DEPTOR: variants seen among roughly 807,000 people sequenced by gnomAD.
DEPTOR encodes DEP domain-containing mTOR-interacting protein.
A neutral mutation model predicts 41.6 loss-of-function variants in DEPTOR; 41 were observed. That is an observed-to-expected ratio of 0.98 (90% confidence interval 0.77 to 1.28). The LOEUF is 1.28. DEPTOR is among the 50% of genes most tolerant of loss of function. The probability of loss-of-function intolerance (pLI) is 0.00; values close to 1 mark genes in which losing one functional copy is unlikely to be tolerated. For missense variants in DEPTOR, 514 were observed against 527.9 expected (o/e 0.97, Z 0.26); for synonymous variants, 195 against 192.3 (o/e 1.01, Z -0.12).
intron 1 of DEPTOR, among the ~76,000 whole-genome samples, chr8:119,884,333 C>T (rs1586597145): frequency 2.0e-5 from 3 of 152,310 alleles, no homozygotes; most frequent in East Asian, 3.9e-4. Context: ...GCTGGGATTA[C>T]AGGCATGAGC....
intron 4 of DEPTOR, among the ~76,000 whole-genome samples, chr8:119,992,819 G>C (rs956941139): frequency 1.3e-5 from 2 of 151,882 alleles, no homozygotes; most frequent in African/African-American, 2.4e-5. Flanking sequence ...ACCATGCCTG[G>C]CTAATTTTTA....
In DEPTOR at chr8:119,873,954, CG is replaced by C; in HGVS notation, c.112del (p.Glu38AsnfsTer32). 1 of 1,613,492 alleles carries C rather than the reference CG, an allele frequency of 6.2e-7. No individual in the cohort carries two copies. The highest frequency in any genetic ancestry group is 8.5e-7 in the Non-Finnish European group (1 of 1,179,736). On this transcript the variant is annotated frameshift_variant, in exon 1 of 9. Transcript: ENST00000286234. LOFTEE classifies it high-confidence loss of function. ...LERMAEVLVTGEQLRLRLHEE... is the reference protein window; with the variant it reads ...LERMAEVLVTXEQLRLRLHEE... ...AGCGCATGGCTGAGGTCTTGGTCAC[CG>C]GGGAACAGCTACGGTAAGGCAAGAG...
intron 4 of DEPTOR, among the ~76,000 whole-genome samples, chr8:119,992,715 G>A (rs1454029235): frequency 6.8e-6 from 1 of 146,650 alleles, no homozygotes; most frequent in South Asian, 2.2e-4. Context: ...GGAGTGCAGT[G>A]GCATGATCTT....
chr8:119,934,060 T>C (rs897537743), intron 3 of DEPTOR, among the ~76,000 whole-genome samples: 1 of 152,128 alleles, frequency 6.6e-6, no homozygotes, highest in East Asian at 1.9e-4. Context: ...TTTGTATTTT[T>C]AATAGAGATG....
At position 120,047,938 on chromosome 8, in the gene DEPTOR, C is replaced by T. The variant is rs144200134; in HGVS notation, c.1102-1638C>T. Among the ~76,000 whole-genome samples, 1,072 of 151,466 alleles carry T rather than the reference C, an allele frequency of 7.1e-3. 10 individuals carry two copies. The highest frequency in any genetic ancestry group is 8.5e-3 in the Non-Finnish European group (576 of 67,898). On this transcript the variant is annotated intron_variant, in intron 8 of 8. Transcript: ENST00000286234. ...GCACACACCTGTAATCCCAGCTACT[C>T]GGGAGGCTGAGGTGGGAGGATCGCT...
intron 8 of DEPTOR, among the ~76,000 whole-genome samples, chr8:120,029,766 C>G (rs1279109193): frequency 6.6e-6 from 1 of 152,074 alleles, no homozygotes; most frequent in African/African-American, 2.4e-5. Flanking sequence ...CTCCATAATA[C>G]CTAGACCCAT....
At chr8:119,892,970 A>G (rs982029982) in intron 1 of DEPTOR, among the ~76,000 whole-genome samples, 1 of 152,034 alleles carries the variant, frequency 6.6e-6, no homozygotes, top group Non-Finnish European at 1.5e-5. Flanking sequence ...TTTAGTAGAG[A>G]CGGGGTTTCA....
chr8:119,899,440 T>C (rs975857615), intron 1 of DEPTOR, among the ~76,000 whole-genome samples: 1 of 152,210 alleles, frequency 6.6e-6, no homozygotes, highest in African/African-American at 2.4e-5. Context: ...CCAAAAGGCA[T>C]GCATACATTC....
At chr8:119,969,260 A>G (rs1204229117) in intron 4 of DEPTOR, among the ~76,000 whole-genome samples, 3 of 152,234 alleles carry the variant, frequency 2.0e-5, no homozygotes, top group African/African-American at 7.2e-5. Context: ...CTTCAATTAC[A>G]GTGTAACTCT....
intron 1 of DEPTOR, among the ~76,000 whole-genome samples, chr8:119,899,955 G>A (rs1031596471): frequency 6.6e-6 from 1 of 151,988 alleles, no homozygotes; most frequent in Non-Finnish European, 1.5e-5. Flanking sequence ...CTTGTTTCTT[G>A]TAATCAAAGA....
intron 3 of DEPTOR, among the ~76,000 whole-genome samples, chr8:119,948,469 T>C (rs1828311036): frequency 1.3e-5 from 2 of 151,954 alleles, no homozygotes; most frequent in Admixed American, 1.3e-4. Flanking sequence ...AAAATATATT[T>C]ATTAAATGAA....
intron 1 of DEPTOR, among the ~76,000 whole-genome samples, chr8:119,905,667 G>A (rs1206320038): frequency 7.3e-6 from 1 of 137,450 alleles, no homozygotes; most frequent in African/African-American, 2.8e-5. Context: ...GTCTTGCTTT[G>A]TTGCCCAGGA....
At chr8:120,004,282 T>A (rs1812400858) in intron 6 of DEPTOR, among the ~76,000 whole-genome samples, 1 of 152,224 alleles carries the variant, frequency 6.6e-6, no homozygotes, top group Admixed American at 6.5e-5. Context: ...TTCTGGAGTG[T>A]TAGCAGCAGG....
At chr8:120,029,832 G>A (rs1812858776) in intron 8 of DEPTOR, among the ~76,000 whole-genome samples, 1 of 152,160 alleles carries the variant, frequency 6.6e-6, no homozygotes, top group South Asian at 2.1e-4. Context: ...CACAGAGCAG[G>A]GTATTAAATG....
At chr8:119,984,784 A>G (rs1406872137) in intron 4 of DEPTOR, among the ~76,000 whole-genome samples, 1 of 152,198 alleles carries the variant, frequency 6.6e-6, no homozygotes, top group African/African-American at 2.4e-5. Flanking sequence ...ATATATACCT[A>G]GTAATGGGAT....
chr8:119,935,958 A>T (rs551859071), intron 3 of DEPTOR, among the ~76,000 whole-genome samples: 28 of 151,482 alleles, frequency 1.8e-4, no homozygotes, highest in Non-Finnish European at 3.5e-4. Flanking sequence ...TATGGAACTA[A>T]ATCCCCTCTT....
rs942183651 is a variant in DEPTOR at position 120,021,396 on chromosome 8, T to G, written c.1101+12263T>G. Among the ~76,000 whole-genome samples the G allele has an allele frequency of 6.6e-5, 10 of 152,124 alleles. No individual in the cohort carries two copies. The East Asian group carries it at 1.9e-3, about 29-fold the overall frequency. ...CCAGCCTGGGCGACAAGAGTGAAAT[T>G]TCGTCTCAAAAATAAATAAATAAAA... is the stretch of plus-strand genomic sequence containing the variant. On this transcript the variant is annotated intron_variant, in intron 8 of 8. Coordinates refer to ENST00000286234, the MANE Select transcript of DEPTOR (RefSeq NM_022783.4).
intron 3 of DEPTOR, among the ~76,000 whole-genome samples, chr8:119,948,755 TC>T (rs1191183695): frequency 6.6e-6 from 1 of 152,028 alleles, no homozygotes; most frequent in African/African-American, 2.4e-5. Context: ...ACTTTCTGTC[TC>T]TATACATTTC....
chr8:120,048,612 T>C (rs1017902634), intron 8 of DEPTOR, among the ~76,000 whole-genome samples: 6 of 152,162 alleles, frequency 3.9e-5, no homozygotes, highest in Non-Finnish European at 7.3e-5. Context: ...CAACAGCGAG[T>C]GTTTATTGAG....
Sources: gnomAD v4.1 joint callset for allele counts (sites outside exome capture counted in the v4.1 genomes callset) on GRCh38, gnomAD v4.1.1 for gene constraint, MANE v1.5 for transcripts, NCBI Gene and HGNC (gene_info 2026-07-23, HGNC 2026-07-21) for gene names.